Variants in MAP3K5 observed in about 807,000 individuals in gnomAD.
MAP3K5 encodes mitogen-activated protein kinase kinase kinase 5, also known as ASK-1.
In MAP3K5, 56 loss-of-function variants were observed where a neutral mutation model predicts 158.7. The ratio of observed to expected loss-of-function variants is 0.35; its 90% CI spans 0.28 to 0.44. The LOEUF is 0.44. Among genes scored for constraint, MAP3K5 ranks in the 20% least tolerant of loss-of-function variants. The pLI, the probability that MAP3K5 is intolerant of heterozygous loss-of-function variation, is 1.00. For missense variants in MAP3K5, 1,294 were observed against 1,674.8 expected (o/e 0.77, Z 3.97); for synonymous variants, 579 against 601.7 (o/e 0.96, Z 0.55).
At chr6:136,705,702 T>C (rs1781046692) in intron 2 of MAP3K5, among the ~76,000 whole-genome samples, 1 of 152,168 alleles carries the variant, frequency 6.6e-6, no homozygotes, top group Non-Finnish European at 1.5e-5. Context: ...CCAGCACTAA[T>C]ATGTAAAATC....
chr6:136,585,077 C>T (rs778137967), intron 23 of MAP3K5, among the ~76,000 whole-genome samples: 5 of 151,194 alleles, frequency 3.3e-5, no homozygotes, highest in Non-Finnish European at 5.9e-5. Context: ...CAAACAAATG[C>T]TCTTTCTCAA....
chr6:136,629,883 C>T (rs1777251605), intron 14 of MAP3K5, among the ~76,000 whole-genome samples: 1 of 152,020 alleles, frequency 6.6e-6, no homozygotes, highest in Admixed American at 6.6e-5. Flanking sequence ...TCCCGAGTAG[C>T]TGGGATTACA....
Position 136,791,980 on chromosome 6 carries a change from C to T in MAP3K5, c.178G>A (p.Ala60Thr). 6.2e-7 allele frequency: 1 copy of T among 1,607,118 alleles called. No individual in the cohort carries two copies. Among genetic ancestry groups the T allele is most frequent in the Non-Finnish European group, 8.5e-7 (1 of 1,177,844 alleles). Residue 60 changes from alanine to threonine, a missense_variant, in exon 1 of 30, where the codon GCC becomes ACC. By Grantham distance (58) the Ala-to-Thr change is moderately conservative. Coordinates refer to ENST00000359015, the MANE Select transcript of MAP3K5 (RefSeq NM_005923.4). ...GGACAACCGATGCCAGGGGCAGCGGCGCTCTCCACGTTCCAGAAGCTGCCC... is the reference window on the plus strand; with the variant it reads ...GGACAACCGATGCCAGGGGCAGCGGTGCTCTCCACGTTCCAGAAGCTGCCC... ...PPGSFWNVES[A>T]AAPGIGCPAA...
At chr6:136,651,194 G>C (rs996226259) in intron 10 of MAP3K5, 103 bp from the exon 11 acceptor site, 1 of 583,580 alleles carries the variant, frequency 1.7e-6, no homozygotes, top group Non-Finnish European at 3.1e-6. Context: ...TATTGCATGA[G>C]CTTCTGAATC....
intron 1 of MAP3K5, among the ~76,000 whole-genome samples, chr6:136,750,972 C>A (rs895920345): frequency 1.3e-5 from 2 of 152,150 alleles, no homozygotes; most frequent in East Asian, 3.8e-4. Flanking sequence ...CCAGAGAATA[C>A]GTTCCTCTCT....
At chr6:136,708,618 T>G (rs969851072) in intron 2 of MAP3K5, among the ~76,000 whole-genome samples, 2 of 152,082 alleles carry the variant, frequency 1.3e-5, no homozygotes, top group Non-Finnish European at 1.5e-5. Context: ...AGAGACATCA[T>G]AGTAAGTGCT....
chr6:136,745,076 G>A (rs1394863331), intron 1 of MAP3K5, among the ~76,000 whole-genome samples: 1 of 151,546 alleles, frequency 6.6e-6, no homozygotes. Context: ...TATTTGGCTG[G>A]AACATAATGT....
In MAP3K5 at chr6:136,698,583, T is replaced by A. The variant is rs781495758; in HGVS notation, c.712A>T (p.Met238Leu). 1 of 1,613,974 alleles carries A rather than the reference T, an allele frequency of 6.2e-7. No individual in the cohort carries two copies. The highest frequency in any genetic ancestry group is 1.3e-5 in the African/African-American group (1 of 75,056). The change falls in exon 4 of 30, where the codon ATG (methionine) becomes TTG (leucine). Residue 238 changes from methionine to leucine, a missense_variant. Physicochemically the swap from Met to Leu is conservative, Grantham distance 15. Coordinates refer to ENST00000359015, the MANE Select transcript of MAP3K5 (RefSeq NM_005923.4). ...AGAAGCAGCTCGAAGTTCGGTTGCA[T>A]GAGCTCTGTCAACCCCTTCATGAAG... is the stretch of plus-strand genomic sequence containing the variant. ...SSFMKGLTEL[M>L]QPNFELLLGP...
At chr6:136,703,249 G>A (rs895803082) in intron 3 of MAP3K5, among the ~76,000 whole-genome samples, 2 of 152,186 alleles carry the variant, frequency 1.3e-5, no homozygotes, top group African/African-American at 4.8e-5. Context: ...TCTTCAAAAT[G>A]TACAATATTT....
chr6:136,728,578 T>C (rs1782075365), intron 1 of MAP3K5, among the ~76,000 whole-genome samples: 1 of 152,206 alleles, frequency 6.6e-6, no homozygotes, highest in Non-Finnish European at 1.5e-5. Context: ...ATTTCTTGTG[T>C]GTTATTTGGT....
chr6:136,601,977 C>A lies in MAP3K5; in HGVS notation c.2682G>T (p.Val894=). The change falls in exon 20 of 30, where the codon GTG becomes GTT. Residue 894 remains valine (V), a splice_region_variant and synonymous_variant. Transcript: ENST00000359015. Reference sequence around the variant, plus strand: ...TCTCAGGGTGGACTTTAAACATTCCCACCTAAGACATAAATATAAAAAGTG... The same window carrying A: ...TCTCAGGGTGGACTTTAAACATTCCAACCTAAGACATAAATATAAAAAGTG... The part of the protein sequence containing the change: ...LGEPQAAMFK[V]GMFKVHPEIP... 1 of 1,611,132 alleles carries A rather than the reference C, an allele frequency of 6.2e-7. No homozygotes were observed. Among genetic ancestry groups the A allele is most frequent in the Non-Finnish European group, 8.5e-7 (1 of 1,178,842 alleles).
intron 7 of MAP3K5, among the ~76,000 whole-genome samples, chr6:136,683,794 A>G (rs2114606743): frequency 6.6e-6 from 1 of 152,314 alleles, no homozygotes; most frequent in Non-Finnish European, 1.5e-5. Flanking sequence ...GGAAATGTCT[A>G]TTCCTGGAAA....
chr6:136,730,651 G>C (rs1006728075), intron 1 of MAP3K5, among the ~76,000 whole-genome samples: 3 of 151,010 alleles, frequency 2.0e-5, no homozygotes, highest in African/African-American at 7.3e-5. Flanking sequence ...GAACCCAGGA[G>C]GCAGAGCTTG....
intron 25 of MAP3K5, among the ~76,000 whole-genome samples, chr6:136,578,112 C>G (rs1317117006): frequency 3.3e-5 from 5 of 152,144 alleles, no homozygotes; most frequent in Admixed American, 3.3e-4. Context: ...CCCCTTCATC[C>G]CATAGATCTT....
chr6:136,592,825 A>G (rs1562530297), intron 21 of MAP3K5: 6 of 614,962 alleles, frequency 9.8e-6, no homozygotes, highest in African/African-American at 1.8e-5. Flanking sequence ...AGGGCCTCCC[A>G]GGCCCTGGGA....
chr6:136,642,989 T>C (rs1778058787), intron 11 of MAP3K5, among the ~76,000 whole-genome samples: 1 of 152,218 alleles, frequency 6.6e-6, no homozygotes, highest in African/African-American at 2.4e-5. Context: ...TAACTATTTC[T>C]GAATTATCTT....
intron 1 of MAP3K5, among the ~76,000 whole-genome samples, chr6:136,730,856 A>G (rs778441298): frequency 6.6e-6 from 1 of 152,184 alleles, no homozygotes. Context: ...CTCATTATAT[A>G]CCCAATAGAA....
At chr6:136,646,278 G>GAC (rs1439739347) in intron 11 of MAP3K5, among the ~76,000 whole-genome samples, 2 of 152,086 alleles carry the variant, frequency 1.3e-5, no homozygotes, top group Non-Finnish European at 2.9e-5. Context: ...ATGGAAAATG[G>GAC]ACAGTACATA....
At chr6:136,565,596 C>A (rs145945085) in intron 26 of MAP3K5, among the ~76,000 whole-genome samples, 299 of 152,326 alleles carry the variant, frequency 2.0e-3, no homozygotes, top group South Asian at 3.9e-3. Context: ...ATATTCTAAG[C>A]TTACAATTTT....
Sources: gnomAD v4.1 joint callset for allele counts (sites outside exome capture counted in the v4.1 genomes callset) on GRCh38, gnomAD v4.1.1 for gene constraint, MANE v1.5 for transcripts, NCBI Gene and HGNC (gene_info 2026-07-23, HGNC 2026-07-21) for gene names.